The following CPB2 variants were observed in gnomAD, a reference collection of about 807,000 sequenced individuals.
CPB2 encodes carboxypeptidase B2, also known as carboxypeptidase B-like protein.
A neutral mutation model predicts 57.0 loss-of-function variants in CPB2; 54 were observed. That is an observed-to-expected ratio of 0.95 (90% CI 0.76 to 1.19). CPB2 has a LOEUF of 1.19. Among genes scored for constraint, CPB2 ranks in the 50% most tolerant of loss-of-function variants. CPB2 has a pLI of 0.00. For synonymous variants in CPB2, 189 were observed against 178.1 expected, an observed-to-expected ratio of 1.06 and a Z score of -0.49; for missense variants, 426 against 512.0, an observed-to-expected ratio of 0.83 and a Z score of 1.62.
intron 3 of CPB2, among the ~76,000 whole-genome samples, chr13:46,083,130 C>T (rs1051309247): frequency 2.0e-5 from 3 of 152,070 alleles, no homozygotes; most frequent in South Asian, 2.1e-4. Flanking sequence ...GGCATTCTAT[C>T]GCCTGAGATG....
intron 1 of CPB2, chr13:46,100,828 TG>T (rs1254384693): frequency 6.6e-6 from 1 of 152,126 alleles, no homozygotes; most frequent in East Asian, 1.9e-4. Flanking sequence ...CGGGGAAGGA[TG>T]GAGTCGCAAG....
chr13:46,080,595 G>A (rs138065193), intron 4 of CPB2, among the ~76,000 whole-genome samples: 227 of 152,218 alleles, frequency 1.5e-3, no homozygotes, highest in African/African-American at 5.2e-3. Flanking sequence ...GAGTGGGCAC[G>A]AATCCAATCT....
chr13:46,053,440 C>T lies in CPB2; in HGVS notation c.*174G>A. 1 of 905,688 alleles carries T rather than the reference C, an allele frequency of 1.1e-6. No homozygotes were observed. Among genetic ancestry groups the T allele is most frequent in the East Asian group, 2.8e-5 (1 of 36,230 alleles). 56.1% of individuals were successfully genotyped at this position (905,688 alleles called of 1,614,324 possible). On this transcript the variant is annotated 3_prime_UTR_variant, in exon 11 of 11. Transcript: ENST00000181383. ...TTTAAAGGGTAAAAAGACATGAACC[C>T]TAGTCTGCCTTAATGGCAAAGTAGC...
chr13:46,066,946 T>A (rs7336360), intron 7 of CPB2, among the ~76,000 whole-genome samples: 51,994 of 151,420 alleles, frequency 0.34, 9,170 homozygotes, highest in African/African-American at 0.39. Flanking sequence ...ATACTATAAT[T>A]ATTTTTTTCA....
chr13:46,082,342 C>G (rs1009700440), intron 4 of CPB2, 99 bp downstream of exon 4: 2 of 657,942 alleles, frequency 3.0e-6, no homozygotes, highest in African/African-American at 3.6e-5. Context: ...TATTTTTTAC[C>G]ATCTTCCACC....
intron 1 of CPB2, among the ~76,000 whole-genome samples, chr13:46,096,038 A>G (rs2045361828): frequency 6.6e-6 from 1 of 151,576 alleles, no homozygotes; most frequent in Non-Finnish European, 1.5e-5. Context: ...GCACCACCAC[A>G]CCTGGCTAAT....
At chr13:46,062,856 TG>T (rs1288012600) in intron 8 of CPB2, among the ~76,000 whole-genome samples, 2 of 152,222 alleles carry the variant, frequency 1.3e-5, no homozygotes, top group Non-Finnish European at 2.9e-5. Flanking sequence ...CTGAATGTTG[TG>T]AGGTTTTAAT....
Position 46,053,707 on chromosome 13 carries a change from T to C in CPB2, c.1179A>G (p.Gly393=), listed in dbSNP as rs190697959. ...TGATGTAACGCTCCGGCAGCAAGAATCCGTATGTGCCCGTATCTCGAAGTT... is the reference window on the plus strand; with the variant it reads ...TGATGTAACGCTCCGGCAGCAAGAACCCGTATGTGCCCGTATCTCGAAGTT... ...TIELRDTGTY[G]FLLPERYIKP... is the part of the protein sequence containing the mutation. The change falls in exon 11 of 11, where the codon GGA becomes GGG. Residue 393 remains glycine (G), a synonymous_variant. Transcript: ENST00000181383. The C allele has an allele frequency of 8.1e-6, 13 of 1,614,174 alleles. No homozygotes were observed. The East Asian group carries it at 2.7e-4, about 33-fold the overall frequency.
intron 10 of CPB2, 152 bp downstream of exon 10, chr13:46,055,610 G>A (rs2044686609): frequency 2.4e-6 from 1 of 421,038 alleles, no homozygotes; most frequent in Admixed American, 4.2e-5. Flanking sequence ...CATTGTCATA[G>A]CTATTATGCT....
In CPB2 at chr13:46,078,840, A is replaced by G. The variant is rs780886596; in HGVS notation, c.446T>C (p.Ile149Thr). The change falls in exon 5 of 11, where the codon ATT becomes ACT. Residue 149 changes from isoleucine to threonine, a missense_variant. Coordinates refer to ENST00000181383, the MANE Select transcript of CPB2 (RefSeq NM_001872.5). ...RHPDMLTKIH[I>T]GSSFEKYPLY... ...TGGGTACTTCTCAAATGAGGATCCA[A>G]TGTGGATTTTTGTAAGCATATCAGG... The G allele has an allele frequency of 3.7e-5, 59 of 1,612,164 alleles. No individual in the cohort carries two copies. The highest frequency in any genetic ancestry group is 5.3e-5 in the African/African-American group (4 of 74,876).
intron 5 of CPB2, among the ~76,000 whole-genome samples, chr13:46,075,790 A>G (rs1227992259): frequency 1.3e-5 from 2 of 152,186 alleles, no homozygotes; most frequent in African/African-American, 4.8e-5. Context: ...TTTAGTGACT[A>G]CATTATTTTC....
At chr13:46,066,430 GA>G (rs1228541919) in intron 7 of CPB2, among the ~76,000 whole-genome samples, 1 of 152,150 alleles carries the variant, frequency 6.6e-6, no homozygotes, top group Non-Finnish European at 1.5e-5. Flanking sequence ...AAAAAAAGAA[GA>G]GAGAGAAAGA....
chr13:46,058,455 G>T, intron 8 of CPB2, 74 bp from the exon 9 acceptor site: 1 of 1,271,072 alleles, frequency 7.9e-7, no homozygotes, highest in Non-Finnish European at 1.1e-6. Context: ...CCCAGACAAC[G>T]TATTCTCCTA....
intron 9 of CPB2, 66 bp downstream of exon 9, chr13:46,058,113 A>C (rs1188065867): frequency 2.8e-5 from 41 of 1,473,082 alleles, no homozygotes; most frequent in Non-Finnish European, 5.6e-6. Flanking sequence ...CCAGTTTTTG[A>C]TTCTTCAACT....
At position 46,053,669 on chromosome 13, in the gene CPB2, C is replaced by G. The variant is rs2044621317; in HGVS notation, c.1217G>C (p.Arg406Thr). The G allele has an allele frequency of 2.5e-6, 4 of 1,614,084 alleles. No homozygotes were observed. Among genetic ancestry groups the G allele is most frequent in the Non-Finnish European group, 8.5e-7 (1 of 1,180,048 alleles). The change falls in exon 11 of 11, where the codon AGA (arginine) becomes ACA (threonine). Residue 406 changes from arginine (R) to threonine (T), a missense_variant. Coordinates refer to ENST00000181383, the MANE Select transcript of CPB2 (RefSeq NM_001872.5). ...TTTAGAGACAGCGGCAAAAGCTTCT[C>G]TACAGGTGGGTTTGATGTAACGCTC... ...LPERYIKPTC[R>T]EAFAAVSKIA...
Position 46,053,506 on chromosome 13 carries a change from C to G in CPB2, c.*108G>C. On this transcript the variant is annotated 3_prime_UTR_variant, in exon 11 of 11. Coordinates refer to ENST00000181383, the MANE Select transcript of CPB2 (RefSeq NM_001872.5). ...TGACAGAACCAAGGAATAGGAAAAT[C>G]TTTTATCAAAACTACGGATAAAACT... 1 of 1,490,270 alleles carries G rather than the reference C, an allele frequency of 6.7e-7. No homozygotes were observed. The highest frequency in any genetic ancestry group is 2.2e-5 in the Admixed American group (1 of 44,452). 92.3% of individuals were successfully genotyped at this position (1,490,270 alleles called of 1,614,324 possible).
chr13:46,073,763 C>G, intron 6 of CPB2, 110 bp downstream of exon 6: 2 of 637,930 alleles, frequency 3.1e-6, no homozygotes, highest in Middle Eastern at 5.4e-4. Flanking sequence ...TCCCAAGCTT[C>G]ATGATGTGAC....
intron 1 of CPB2, among the ~76,000 whole-genome samples, chr13:46,101,599 C>A (rs17844162): frequency 1.1e-4 from 16 of 152,272 alleles, no homozygotes; most frequent in African/African-American, 3.4e-4. Flanking sequence ...GTTTCAACTG[C>A]GTCTCTGAAT....
chr13:46,066,462 T>G (rs1438331869), intron 7 of CPB2, among the ~76,000 whole-genome samples: 1 of 152,198 alleles, frequency 6.6e-6, no homozygotes, highest in Non-Finnish European at 1.5e-5. Flanking sequence ...GAATGTGAGT[T>G]CATGGATTAA....
Sources: allele counts gnomAD v4.1 joint callset (sites outside exome capture counted in the v4.1 genomes callset), GRCh38; gene constraint gnomAD v4.1.1; transcripts MANE v1.5; gene names NCBI Gene and HGNC (gene_info 2026-07-23, HGNC 2026-07-21).